Variants in ZNF385D observed in about 807,000 individuals in gnomAD.
The protein encoded by ZNF385D is zinc finger protein 385D.
Under a neutral mutation model 35.8 loss-of-function variants are expected in ZNF385D, and 15 were observed. That is an observed-to-expected ratio of 0.42 (90% CI 0.28 to 0.64). ZNF385D has a LOEUF of 0.64. Ranked by LOEUF, ZNF385D falls within the 30% of genes least tolerant of loss-of-function variation. ZNF385D has a pLI of 0.23. For missense variants in ZNF385D, 474 were observed against 494.6 expected (o/e 0.96, Z 0.39); for synonymous variants, 212 against 186.8 (o/e 1.13, Z -1.10).
At chr3:21,614,898 G>A (rs1431950138) in intron 2 of ZNF385D, among the ~76,000 whole-genome samples, 1 of 152,160 alleles carries the variant, frequency 6.6e-6, no homozygotes, top group Non-Finnish European at 1.5e-5. Context: ...CTGAAGTACA[G>A]TTTTATCAGG....
At chr3:22,354,065 G>C (rs1258552987) in intron 2 of ZNF385D, among the ~76,000 whole-genome samples, 1 of 151,924 alleles carries the variant, frequency 6.6e-6, no homozygotes, top group African/African-American at 2.4e-5. Flanking sequence ...CCATAGCTCT[G>C]TTAACTCCAA....
At chr3:21,994,353 AT>A (rs1379507832) in intron 3 of ZNF385D, among the ~76,000 whole-genome samples, 1 of 152,220 alleles carries the variant, frequency 6.6e-6, no homozygotes, top group Non-Finnish European at 1.5e-5. Flanking sequence ...TGTTAATTTT[AT>A]TCACCGAATT....
chr3:21,786,695 G>C (rs10470648), intron 3 of ZNF385D, among the ~76,000 whole-genome samples: 154 of 152,182 alleles, frequency 1.0e-3, no homozygotes, highest in African/African-American at 3.4e-3. Context: ...TTTTCTGCTT[G>C]GTAATTCATA....
chr3:22,111,764 C>T (rs1435903476), intron 3 of ZNF385D, among the ~76,000 whole-genome samples: 1 of 152,086 alleles, frequency 6.6e-6, no homozygotes, highest in South Asian at 2.1e-4. Flanking sequence ...TGACTATTTT[C>T]CAAATGCTTT....
intron 2 of ZNF385D, among the ~76,000 whole-genome samples, chr3:22,180,778 A>G (rs1695188332): frequency 6.6e-6 from 1 of 152,206 alleles, no homozygotes. Context: ...TATTGATGGG[A>G]CATATCTCAA....
intron 3 of ZNF385D, among the ~76,000 whole-genome samples, chr3:22,031,172 G>A (rs1358650858): frequency 2.6e-5 from 4 of 152,342 alleles, no homozygotes; most frequent in African/African-American, 9.6e-5. Context: ...AGTGCAAGGT[G>A]AAAGCTGTCA....
In ZNF385D at chr3:21,931,472, C is replaced by T. The variant is rs148661202; in HGVS notation, c.325+237345G>A. On this transcript the variant is annotated intron_variant, in intron 3 of 5. Coordinates refer to the ZNF385D transcript ENST00000494108. ...TACTTAAATGAAAAACGTATGTCCACACAAAAATGTATTATTTATAATAAC... is the reference window on the plus strand; with the variant it reads ...TACTTAAATGAAAAACGTATGTCCATACAAAAATGTATTATTTATAATAAC... Among the ~76,000 whole-genome samples the T allele has an allele frequency of 2.5e-3, 387 of 152,248 alleles. 2 individuals are homozygous for T. The highest frequency in any genetic ancestry group is 8.8e-3 in the African/African-American group (367 of 41,534).
At chr3:22,285,119 G>A (rs1282848264) in intron 2 of ZNF385D, among the ~76,000 whole-genome samples, 1 of 152,106 alleles carries the variant, frequency 6.6e-6, no homozygotes, top group Non-Finnish European at 1.5e-5. Flanking sequence ...ATTAGAGGTA[G>A]TATTTCCCTG....
intron 3 of ZNF385D, among the ~76,000 whole-genome samples, chr3:21,858,626 C>T (rs1465876770): frequency 1.3e-5 from 2 of 151,882 alleles, no homozygotes; most frequent in African/African-American, 4.8e-5. Context: ...CTGCTGGGCC[C>T]TTAATCTTGG....
At chr3:21,436,823 AT>A in intron 5 of ZNF385D, 146 bp downstream of exon 5, 6 of 818,438 alleles carry the variant, frequency 7.3e-6, no homozygotes, top group Non-Finnish European at 1.1e-5. Flanking sequence ...TTTGCTCGTC[AT>A]TTTTATTTTT....
intron 2 of ZNF385D, among the ~76,000 whole-genome samples, chr3:22,236,256 T>C (rs1699178864): frequency 6.6e-6 from 1 of 152,196 alleles, no homozygotes; most frequent in African/African-American, 2.4e-5. Context: ...TATACACATA[T>C]ATATCTTGCT....
At chr3:22,301,105 G>C (rs934046931) in intron 2 of ZNF385D, among the ~76,000 whole-genome samples, 3 of 152,008 alleles carry the variant, frequency 2.0e-5, no homozygotes, top group Non-Finnish European at 4.4e-5. Flanking sequence ...CAGCCCTTAA[G>C]AAGAAGGAAA....
At chr3:21,585,906 T>A (rs935409017) in intron 2 of ZNF385D, among the ~76,000 whole-genome samples, 1 of 152,188 alleles carries the variant, frequency 6.6e-6, no homozygotes, top group African/African-American at 2.4e-5. Context: ...CAGTAGCTCA[T>A]GTCTGTAGTC....
At chr3:21,746,867 C>G (rs2069795404) in intron 1 of ZNF385D, among the ~76,000 whole-genome samples, 1 of 152,104 alleles carries the variant, frequency 6.6e-6, no homozygotes, top group Admixed American at 6.5e-5. Flanking sequence ...TTTTCTAACA[C>G]ACTAGTTTGG....
At chr3:21,762,797 A>T (rs1016683926) in intron 3 of ZNF385D, among the ~76,000 whole-genome samples, 2 of 152,142 alleles carry the variant, frequency 1.3e-5, no homozygotes, top group African/African-American at 4.8e-5. Context: ...ATATCCAGTG[A>T]TCAATATGGG....
At chr3:21,692,694 G>A (rs1035820361) in intron 1 of ZNF385D, among the ~76,000 whole-genome samples, 1 of 152,200 alleles carries the variant, frequency 6.6e-6, no homozygotes, top group Non-Finnish European at 1.5e-5. Context: ...AAGAGTGCAT[G>A]TCTTCATTCG....
intron 2 of ZNF385D, among the ~76,000 whole-genome samples, chr3:22,172,569 T>C (rs892398561): frequency 2.0e-5 from 3 of 152,124 alleles, no homozygotes; most frequent in Non-Finnish European, 2.9e-5. Context: ...GAAGTGCTCA[T>C]CTTCTCTAAC....
At chr3:21,897,218 T>C (rs1699183916) in intron 3 of ZNF385D, among the ~76,000 whole-genome samples, 1 of 152,272 alleles carries the variant, frequency 6.6e-6, no homozygotes, top group Non-Finnish European at 1.5e-5. Flanking sequence ...AATGGTTCTC[T>C]TGAGCCTGCC....
Position 21,956,652 on chromosome 3 carries a change from C to T in ZNF385D, c.325+212165G>A, listed in dbSNP as rs746039369. ...TTAATGCATCCTCTGCCTTTAGGAA[C>T]ACTTATGCAATGGTAAAAAGTGATA... On this transcript the variant is annotated intron_variant, in intron 3 of 5. Transcript: ENST00000494108. Among the ~76,000 whole-genome samples the T allele has an allele frequency of 2.6e-4, 40 of 151,858 alleles. 2 individuals are homozygous for T. The highest frequency in any genetic ancestry group is 3.2e-4 in the Non-Finnish European group (22 of 67,974).
Sources: allele counts gnomAD v4.1 joint callset (sites outside exome capture counted in the v4.1 genomes callset), GRCh38; gene constraint gnomAD v4.1.1; transcripts MANE v1.5; gene names NCBI Gene and HGNC (gene_info 2026-07-23, HGNC 2026-07-21).